SGCZ: variants seen among roughly 807,000 people sequenced by gnomAD.
SGCZ encodes zeta-sarcoglycan.
A neutral mutation model predicts 41.3 loss-of-function variants in SGCZ; 40 were observed. The observed-to-expected ratio is 0.97, with a 90% CI of 0.75 to 1.26. The LOEUF is 1.26. Among genes scored for constraint, SGCZ ranks in the 50% most tolerant of loss-of-function variants. SGCZ has a pLI of 0.00. For synonymous variants in SGCZ, 206 were observed against 137.5 expected, an observed-to-expected ratio of 1.50 and a Z score of -3.49; for missense variants, 552 against 369.8, an observed-to-expected ratio of 1.49 and a Z score of -4.04.
chr8:14,295,188 C>G (rs1174613699), intron 3 of SGCZ, among the ~76,000 whole-genome samples: 1 of 152,108 alleles, frequency 6.6e-6, no homozygotes, highest in Non-Finnish European at 1.5e-5. Flanking sequence ...AAGAAATGTT[C>G]TTCAACTGGT....
intron 1 of SGCZ, among the ~76,000 whole-genome samples, chr8:14,794,273 G>A (rs763426059): frequency 6.6e-6 from 1 of 152,014 alleles, no homozygotes; most frequent in Non-Finnish European, 1.5e-5. Context: ...TAAATAGTAG[G>A]ATGCAATAGA....
At chr8:14,993,559 G>A (rs1315190813) in intron 1 of SGCZ, among the ~76,000 whole-genome samples, 1 of 152,084 alleles carries the variant, frequency 6.6e-6, no homozygotes, top group Non-Finnish European at 1.5e-5. Flanking sequence ...GCTGAAAGAG[G>A]GATACATACT....
intron 2 of SGCZ, among the ~76,000 whole-genome samples, chr8:14,348,130 T>C (rs1802955241): frequency 6.6e-6 from 1 of 152,046 alleles, no homozygotes. Flanking sequence ...GCAACTCAGC[T>C]GTAACCAATA....
intron 1 of SGCZ, among the ~76,000 whole-genome samples, chr8:15,092,719 A>G (rs1428140097): frequency 6.6e-6 from 1 of 152,210 alleles, no homozygotes; most frequent in Non-Finnish European, 1.5e-5. Context: ...TATTTTAAAT[A>G]TTTCACAATC....
At chr8:14,588,442 T>C (rs2117277603) in intron 1 of SGCZ, among the ~76,000 whole-genome samples, 1 of 152,290 alleles carries the variant, frequency 6.6e-6, no homozygotes, top group Middle Eastern at 3.4e-3. Flanking sequence ...GATTTATTTA[T>C]TCAGTGAATA....
rs1195129769 is a variant in SGCZ, at chr8:14,932,404, T to C, written c.39+305181A>G. ...GGATAAATGCAAAATGTCTCTTTCATCATGATGTAAAGGATGCAATAAAAC... is the reference window on the plus strand; with the variant it reads ...GGATAAATGCAAAATGTCTCTTTCACCATGATGTAAAGGATGCAATAAAAC... On this transcript the variant is annotated intron_variant, in intron 1 of 7. Transcript: ENST00000382080. 2.0e-5 allele frequency among the ~76,000 whole-genome samples: 3 copies of C among 152,012 alleles called. 1 individual carries two copies. The highest frequency in any genetic ancestry group is 4.8e-5 in the African/African-American group (2 of 41,288).
chr8:14,888,773 T>A (rs1187172954), intron 1 of SGCZ, among the ~76,000 whole-genome samples: 1 of 152,194 alleles, frequency 6.6e-6, no homozygotes, highest in African/African-American at 2.4e-5. Context: ...ATTGTCTATA[T>A]ACATTCATTT....
At chr8:14,824,299 A>C (rs1802214621) in intron 1 of SGCZ, among the ~76,000 whole-genome samples, 1 of 152,124 alleles carries the variant, frequency 6.6e-6, no homozygotes, top group Non-Finnish European at 1.5e-5. Context: ...GGATACACTG[A>C]CTACCGATTA....
chr8:15,131,089 G>A (rs1807880841), intron 1 of SGCZ, among the ~76,000 whole-genome samples: 1 of 152,096 alleles, frequency 6.6e-6, no homozygotes, highest in African/African-American at 2.4e-5. Context: ...TTTGAAAAAT[G>A]ATTACCAAGT....
chr8:14,257,658 G>A (rs976126916), intron 3 of SGCZ, among the ~76,000 whole-genome samples: 19 of 147,954 alleles, frequency 1.3e-4, no homozygotes, highest in African/African-American at 4.4e-4. Flanking sequence ...ACAGGCCCAG[G>A]TGTGTGATGT....
At chr8:15,164,548 T>C (rs1799598711) in intron 1 of SGCZ, among the ~76,000 whole-genome samples, 1 of 152,034 alleles carries the variant, frequency 6.6e-6, no homozygotes, top group Non-Finnish European at 1.5e-5. Flanking sequence ...AAGAACCACT[T>C]GCCTAAGAAT....
chr8:14,260,812 G>C (rs10111297), intron 3 of SGCZ, among the ~76,000 whole-genome samples: 6 of 152,038 alleles, frequency 3.9e-5, no homozygotes, highest in East Asian at 1.9e-4. Flanking sequence ...ATGGATGAAA[G>C]TGGAAATCAT....
chr8:14,170,404 T>A (rs1252584278), intron 4 of SGCZ, among the ~76,000 whole-genome samples: 1 of 152,110 alleles, frequency 6.6e-6, no homozygotes, highest in Non-Finnish European at 1.5e-5. Context: ...TATTCTTAGA[T>A]CTTTTTATTC....
chr8:14,406,794 A>G (rs1424993113), intron 2 of SGCZ, among the ~76,000 whole-genome samples: 1 of 152,166 alleles, frequency 6.6e-6, no homozygotes, highest in Non-Finnish European at 1.5e-5. Context: ...TAATTTGAAA[A>G]TAATTAAAAG....
intron 1 of SGCZ, among the ~76,000 whole-genome samples, chr8:15,178,400 C>A (rs1354292353): frequency 6.6e-6 from 1 of 152,072 alleles, no homozygotes; most frequent in Non-Finnish European, 1.5e-5. Context: ...CTCTAAGCCT[C>A]AATTACCCCA....
At chr8:14,993,433 G>C (rs1802095154) in intron 1 of SGCZ, among the ~76,000 whole-genome samples, 1 of 151,872 alleles carries the variant, frequency 6.6e-6, no homozygotes. Flanking sequence ...GAAATCATGG[G>C]GCTGATATTC....
At chr8:14,282,511 C>T (rs1800480955) in intron 3 of SGCZ, among the ~76,000 whole-genome samples, 1 of 152,244 alleles carries the variant, frequency 6.6e-6, no homozygotes, top group Middle Eastern at 3.4e-3. Flanking sequence ...CTCAGCACCC[C>T]TATTCTTGGT....
intron 2 of SGCZ, among the ~76,000 whole-genome samples, chr8:14,530,748 T>G (rs1228420176): frequency 1.3e-5 from 2 of 151,200 alleles, no homozygotes; most frequent in Admixed American, 1.3e-4. Flanking sequence ...TTCTGGAGGC[T>G]GAGGCTGGAC....
At chr8:14,903,416 G>T (rs938657447) in intron 1 of SGCZ, among the ~76,000 whole-genome samples, 1 of 152,046 alleles carries the variant, frequency 6.6e-6, no homozygotes, top group East Asian at 1.9e-4. Context: ...GCTTAGGTTT[G>T]TCTGTAATAG....
Sources: allele counts gnomAD v4.1 joint callset (sites outside exome capture counted in the v4.1 genomes callset), GRCh38; gene constraint gnomAD v4.1.1; transcripts MANE v1.5; gene names NCBI Gene and HGNC (gene_info 2026-07-23, HGNC 2026-07-21).